Variants in CACNB2 observed in about 807,000 individuals in gnomAD.
CACNB2 encodes voltage-dependent L-type calcium channel subunit beta-2.
A neutral mutation model predicts 73.3 loss-of-function variants in CACNB2; 42 were observed. The observed-to-expected ratio is 0.57, with a 90% CI of 0.45 to 0.74. CACNB2 has a LOEUF of 0.74. Ranked by LOEUF, CACNB2 falls within the 30% of genes least tolerant of loss-of-function variation. The pLI is 0.00. For synonymous variants in CACNB2, 348 were observed against 310.3 expected, an observed-to-expected ratio of 1.12 and a Z score of -1.28; for missense variants, 940 against 853.0, an observed-to-expected ratio of 1.10 and a Z score of -1.27.
rs114492126 is a variant in CACNB2 at position 18,523,120 on chromosome 10, G to T, written c.944+4152G>T. Among the ~76,000 whole-genome samples, 547 of 152,120 alleles carry T rather than the reference G, an allele frequency of 3.6e-3. 2 individuals are homozygous for T. Among genetic ancestry groups the T allele is most frequent in the African/African-American group, 0.012 (513 of 41,486 alleles). On this transcript the variant is annotated intron_variant, in intron 9 of 13. Transcript: ENST00000324631. Reference sequence around the variant, plus strand: ...CTTGGACCAAGGCTACTAGGCACTGGCCAAGTATAAAAGGCATAGCTCTAC... The same window carrying T: ...CTTGGACCAAGGCTACTAGGCACTGTCCAAGTATAAAAGGCATAGCTCTAC...
chr10:18,227,131 G>A (rs1231903154), intron 2 of CACNB2, among the ~76,000 whole-genome samples: 1 of 152,168 alleles, frequency 6.6e-6, no homozygotes, highest in African/African-American at 2.4e-5. Flanking sequence ...AGAATTTTAT[G>A]TCGAATATCG....
intron 2 of CACNB2, among the ~76,000 whole-genome samples, chr10:18,270,374 C>CT (rs1394999810): frequency 6.6e-6 from 1 of 152,134 alleles, no homozygotes; most frequent in African/African-American, 2.4e-5. Context: ...AAGCCAAACT[C>CT]TATCAGCAGC....
At chr10:18,303,061 A>G (rs771454419) in intron 2 of CACNB2, among the ~76,000 whole-genome samples, 7 of 152,154 alleles carry the variant, frequency 4.6e-5, no homozygotes, top group Non-Finnish European at 5.9e-5. Context: ...CGTTAGTCTC[A>G]TGGTGGCACT....
At chr10:18,477,714 C>A (rs931354226) in intron 3 of CACNB2, among the ~76,000 whole-genome samples, 1 of 152,072 alleles carries the variant, frequency 6.6e-6, no homozygotes, top group Non-Finnish European at 1.5e-5. Flanking sequence ...TCACATAATG[C>A]AGGAGGAAAG....
chr10:18,159,543 A>G (rs943193012), intron 2 of CACNB2, among the ~76,000 whole-genome samples: 1 of 152,188 alleles, frequency 6.6e-6, no homozygotes, highest in African/African-American at 2.4e-5. Flanking sequence ...CAAATATTTA[A>G]CAGAAGGTTG....
At chr10:18,279,280 C>A (rs2038437111) in intron 2 of CACNB2, among the ~76,000 whole-genome samples, 2 of 152,286 alleles carry the variant, frequency 1.3e-5, no homozygotes, top group East Asian at 1.9e-4. Flanking sequence ...TTTTCTCTAC[C>A]TTTCCCCAAT....
intron 2 of CACNB2, among the ~76,000 whole-genome samples, chr10:18,257,941 G>A (rs528883122): frequency 2.0e-5 from 3 of 152,120 alleles, no homozygotes; most frequent in East Asian, 1.9e-4. Context: ...ACGAGGTTTC[G>A]TCATGTTGGT....
At chr10:18,228,440 A>AAAAAAAAAAAG (rs2036091252) in intron 2 of CACNB2, among the ~76,000 whole-genome samples, 8 of 145,476 alleles carry the variant, frequency 5.5e-5, no homozygotes, top group African/African-American at 8.0e-5. Flanking sequence ...CCTCAAAAAA[A>AAAAAAAAAAAG]AAAAAAAAAG....
rs909307274 is a variant in CACNB2 at position 18,538,506 on chromosome 10, G to C, written c.1488+141G>C. ...TTAACTCAAAGCAAGTCCAGCATGAGCTGTGTATGTACCTGTAAGAAAAGC... is the reference window on the plus strand; with the variant it reads ...TTAACTCAAAGCAAGTCCAGCATGACCTGTGTATGTACCTGTAAGAAAAGC... On this transcript the variant is annotated intron_variant, in intron 13 of 13. Coordinates refer to ENST00000324631, the MANE Select transcript of CACNB2 (RefSeq NM_201596.3). 5.7e-6 allele frequency: 4 copies of C among 706,860 alleles called. No individual in the cohort carries two copies. The African/African-American group carries it at 7.2e-5, about 13-fold the overall frequency. 43.8% of individuals were successfully genotyped at this position (706,860 alleles called of 1,614,324 possible).
chr10:18,231,504 A>G (rs149287354), intron 2 of CACNB2, among the ~76,000 whole-genome samples: 1 of 152,260 alleles, frequency 6.6e-6, no homozygotes, highest in Non-Finnish European at 1.5e-5. Context: ...TGTCTTGTGT[A>G]TCTCTTTATG....
rs12776056 is a variant in CACNB2 at position 18,456,694 on chromosome 10, G to A, written c.334-41661G>A. On this transcript the variant is annotated intron_variant, in intron 3 of 13. Transcript: ENST00000324631. ...TAGCAACCACTATTCTACTTTCTGC[G>A]TCTATGATGTTGACCATTCTAACTA... 1.2e-3 allele frequency among the ~76,000 whole-genome samples: 185 copies of A among 152,196 alleles called. 1 individual carries two copies. Among genetic ancestry groups the A allele is most frequent in the Admixed American group, 2.2e-3 (33 of 15,288 alleles).
At chr10:18,296,493 TA>T (rs949194195) in intron 2 of CACNB2, among the ~76,000 whole-genome samples, 12 of 152,254 alleles carry the variant, frequency 7.9e-5, no homozygotes, top group South Asian at 2.1e-4. Flanking sequence ...CATATAGATA[TA>T]TTTTTTTTAA....
intron 2 of CACNB2, among the ~76,000 whole-genome samples, chr10:18,373,458 A>G (rs1213785793): frequency 6.6e-6 from 1 of 152,218 alleles, no homozygotes; most frequent in Non-Finnish European, 1.5e-5. Context: ...AGTGATGTAC[A>G]TATATTATTC....
chr10:18,182,591 G>A (rs573604477), intron 2 of CACNB2, among the ~76,000 whole-genome samples: 8 of 151,832 alleles, frequency 5.3e-5, no homozygotes, highest in South Asian at 2.1e-4. Flanking sequence ...GGAGGCAGAG[G>A]TGGGCAGATT....
In CACNB2 at chr10:18,255,753, A is replaced by T. The variant is rs182036187; in HGVS notation, c.213+104778A>T. ...CGTACTGTGAAGGGAGAGTCTAATG[A>T]GTATTTAAGCAGGTGTCTGTCAGAA... On this transcript the variant is annotated intron_variant, in intron 2 of 13. Coordinates refer to ENST00000324631, the MANE Select transcript of CACNB2 (RefSeq NM_201596.3). Among the ~76,000 whole-genome samples, 364 of 152,336 alleles carry T rather than the reference A, an allele frequency of 2.4e-3. 1 individual carries two copies. Among genetic ancestry groups the T allele is most frequent in the Non-Finnish European group, 3.8e-3 (261 of 68,038 alleles).
intron 2 of CACNB2, among the ~76,000 whole-genome samples, chr10:18,355,992 T>C (rs140566120): frequency 0.018 from 2,712 of 152,188 alleles, 45 homozygotes; most frequent in Non-Finnish European, 0.025. Flanking sequence ...ACATAAAATA[T>C]GCAAAAAACC....
At chr10:18,394,800 C>A (rs1589230978) in intron 2 of CACNB2, among the ~76,000 whole-genome samples, 1 of 152,088 alleles carries the variant, frequency 6.6e-6, no homozygotes, top group East Asian at 1.9e-4. Context: ...ATGTGCATAG[C>A]CTGATCTTAA....
At chr10:18,532,113 C>T (rs2053090622) in intron 10 of CACNB2, among the ~76,000 whole-genome samples, 1 of 152,144 alleles carries the variant, frequency 6.6e-6, no homozygotes. Context: ...ATCATTTTTA[C>T]TTTGAAGTCA....
intron 2 of CACNB2, chr10:18,182,249 G>T (rs1432799341): frequency 6.6e-6 from 1 of 151,972 alleles, no homozygotes; most frequent in African/African-American, 2.4e-5. Context: ...TCCACCTGAG[G>T]TCAAGAGTTT....
Sources: allele counts gnomAD v4.1 joint callset (sites outside exome capture counted in the v4.1 genomes callset), GRCh38; gene constraint gnomAD v4.1.1; transcripts MANE v1.5; gene names NCBI Gene and HGNC (gene_info 2026-07-23, HGNC 2026-07-21).